SPTLC3: variants seen among roughly 807,000 people sequenced by gnomAD.
SPTLC3 encodes the protein serine palmitoyltransferase 3.
Under a neutral mutation model 59.3 loss-of-function variants are expected in SPTLC3, and 36 were observed. The ratio of observed to expected loss-of-function variants is 0.61; its 90% CI spans 0.47 to 0.80. The LOEUF is 0.80. Ranked by LOEUF, SPTLC3 falls within the 30% of genes least tolerant of loss-of-function variation. The probability of loss-of-function intolerance (pLI) is 0.00; values close to 1 mark genes in which losing one functional copy is unlikely to be tolerated. For synonymous variants in SPTLC3, 257 were observed against 240.8 expected, an observed-to-expected ratio of 1.07 and a Z score of -0.62; for missense variants, 625 against 685.1, an observed-to-expected ratio of 0.91 and a Z score of 0.98.
chr20:13,128,222 T>C (rs921295307), intron 9 of SPTLC3, among the ~76,000 whole-genome samples: 4 of 152,252 alleles, frequency 2.6e-5, no homozygotes, highest in African/African-American at 7.2e-5. Context: ...GACAAGTATT[T>C]GAAGCATTTC....
chr20:13,153,179 C>CA (rs1600395395), intron 9 of SPTLC3, among the ~76,000 whole-genome samples: 1 of 152,196 alleles, frequency 6.6e-6, no homozygotes, highest in African/African-American at 2.4e-5. Flanking sequence ...CTTACTTACC[C>CA]ACCTGTTTTG....
chr20:13,117,647 C>T lies in SPTLC3; in HGVS notation c.1074C>T (p.Asp358=), dbSNP rs376119290. 2 of 1,614,042 alleles carry T rather than the reference C, an allele frequency of 1.2e-6. No individual in the cohort carries two copies. The highest frequency in any genetic ancestry group is 2.7e-5 in the African/African-American group (2 of 75,016). The change falls in exon 8 of 12, where the codon GAC becomes GAT. Residue 358 remains aspartate, a synonymous_variant. Transcript: ENST00000399002. ...GTGTCACGGAGTTCTTTGGACTAGA[C>T]CCTCATGAAGTTGATGTGCTCATGG... ...GRGVTEFFGL[D]PHEVDVLMGT...
At chr20:13,081,689 G>A (rs73898418) in intron 4 of SPTLC3, among the ~76,000 whole-genome samples, 2,756 of 152,112 alleles carry the variant, frequency 0.018, 93 homozygotes, top group African/African-American at 0.064. Flanking sequence ...TTCAAGCAGT[G>A]GATTTGATTA....
chr20:13,116,737 G>A (rs958922379), intron 7 of SPTLC3, among the ~76,000 whole-genome samples: 1 of 152,200 alleles, frequency 6.6e-6, no homozygotes, highest in Admixed American at 6.5e-5. Context: ...TACAGCAGTG[G>A]CCCTCTATAT....
chr20:13,074,121 C>T, intron 3 of SPTLC3: 1 of 699,836 alleles, frequency 1.4e-6, no homozygotes, highest in South Asian at 1.5e-5. Context: ...GACTAAAGTG[C>T]CCGGCACTGG....
intron 6 of SPTLC3, among the ~76,000 whole-genome samples, chr20:13,102,596 C>T (rs1989642429): frequency 6.6e-6 from 1 of 152,170 alleles, no homozygotes; most frequent in Non-Finnish European, 1.5e-5. Flanking sequence ...TAGCCTCCAT[C>T]TCCCGTACAC....
intron 6 of SPTLC3, among the ~76,000 whole-genome samples, chr20:13,103,846 A>G (rs994556642): frequency 2.6e-5 from 4 of 152,206 alleles, no homozygotes; most frequent in South Asian, 2.1e-4. Flanking sequence ...TGACAGTGAA[A>G]TAAGAGGAAA....
intron 6 of SPTLC3, among the ~76,000 whole-genome samples, chr20:13,094,394 C>A (rs1358726107): frequency 2.6e-5 from 2 of 77,380 alleles, no homozygotes; most frequent in African/African-American, 6.4e-5. Flanking sequence ...TACATGCATG[C>A]ACACACATGC....
chr20:13,110,323 G>A (rs1990157850), intron 7 of SPTLC3, 106 bp downstream of exon 7: 2 of 939,722 alleles, frequency 2.1e-6, no homozygotes, highest in Non-Finnish European at 3.2e-6. Flanking sequence ...ACTTAGAATT[G>A]GTTATATGAC....
Position 13,072,384 on chromosome 20 carries a change from A to C in SPTLC3, c.432A>C (p.Val144=). ...PGPLFDLMER[V]SDDYNWTFRF... ...CTCTGTTTGATTTGATGGAGAGGGT[A>C]TCAGACGACTATAACTGGACGTTTA... Residue 144 remains valine, a synonymous_variant, in exon 3 of 12, where the codon GTA becomes GTC. Transcript: ENST00000399002. The C allele has an allele frequency of 6.2e-7, 1 of 1,609,264 alleles. No individual in the cohort carries two copies. Among genetic ancestry groups the C allele is most frequent in the Non-Finnish European group, 8.5e-7 (1 of 1,178,278 alleles).
intron 1 of SPTLC3, among the ~76,000 whole-genome samples, chr20:13,028,441 C>T (rs537594890): frequency 2.0e-5 from 3 of 152,024 alleles, no homozygotes; most frequent in Non-Finnish European, 4.4e-5. Flanking sequence ...GATCTAATAA[C>T]CCCTTATCCA....
At chr20:13,100,047 C>T (rs1233789654) in intron 6 of SPTLC3, among the ~76,000 whole-genome samples, 1 of 152,204 alleles carries the variant, frequency 6.6e-6, no homozygotes, top group Non-Finnish European at 1.5e-5. Context: ...TAACAATACT[C>T]TTCTGCCTGT....
intron 9 of SPTLC3, among the ~76,000 whole-genome samples, chr20:13,136,380 C>T (rs771328114): frequency 2.2e-4 from 33 of 151,928 alleles, no homozygotes; most frequent in Non-Finnish European, 4.1e-4. Flanking sequence ...GTGGATCACC[C>T]GAGCTCAGAA....
chr20:13,093,679 C>A, intron 6 of SPTLC3, 102 bp downstream of exon 6: 2 of 989,324 alleles, frequency 2.0e-6, no homozygotes, highest in East Asian at 2.6e-5. Context: ...GACAACGTAG[C>A]CTCATGAAAC....
At chr20:13,042,669 A>C (rs1987041413) in intron 1 of SPTLC3, among the ~76,000 whole-genome samples, 3 of 152,306 alleles carry the variant, frequency 2.0e-5, no homozygotes, top group Admixed American at 2.0e-4. Context: ...CCTTGCCTGA[A>C]GCAGGGGACA....
In SPTLC3 at chr20:13,085,504, C is replaced by T. The variant is rs192883586; in HGVS notation, c.608-5579C>T. Among the ~76,000 whole-genome samples, 26 of 152,192 alleles carry T rather than the reference C, an allele frequency of 1.7e-4. No individual in the cohort carries two copies. In the East Asian group the frequency reaches 3.7e-3, roughly 22 times the overall value. ...CAGCTGGCAGTTCCCCATAATAAAC[C>T]GCCTGCTCTTAGGCCAGGTCTAAGG... On this transcript the variant is annotated intron_variant, in intron 4 of 11. Transcript: ENST00000399002.
In SPTLC3 at chr20:13,164,804, C is replaced by T. The variant is rs1165119177; in HGVS notation, c.1596C>T (p.Ser532=). The change falls in exon 12 of 12, where the codon TCC becomes TCT. Residue 532 remains serine (S), a synonymous_variant. Coordinates refer to ENST00000399002, the MANE Select transcript of SPTLC3 (RefSeq NM_018327.4). ...EMGDLLQLKY[S]RHKKSARPEL... ...GTGATCTCTTGCAACTGAAATATTC[C>T]CGGCACAAGAAGTCAGCACGTCCTG... The T allele has an allele frequency of 6.2e-7, 1 of 1,613,770 alleles. No homozygotes were observed. The highest frequency in any genetic ancestry group is 1.7e-5 in the Admixed American group (1 of 60,016).
chr20:13,164,772 G>A lies in SPTLC3; in HGVS notation c.1564G>A (p.Glu522Lys). The change falls in exon 12 of 12, where the codon GAA (glutamate) becomes AAA (lysine). Residue 522 changes from glutamate (E) to lysine (K), a missense_variant. By Grantham distance (56) the Glu-to-Lys change is moderately conservative. Transcript: ENST00000399002. ...ATTGCAGGTTTTAGAAGCTCTTGAT[G>A]AAATGGGTGATCTCTTGCAACTGAA... is the stretch of plus-strand genomic sequence containing the variant. The part of the protein sequence containing the change: ...MLDTVLEALD[E>K]MGDLLQLKYS... The A allele has an allele frequency of 1.9e-6, 3 of 1,613,634 alleles. No homozygotes were observed. Among genetic ancestry groups the A allele is most frequent in the Non-Finnish European group, 2.5e-6 (3 of 1,179,776 alleles).
intron 6 of SPTLC3, among the ~76,000 whole-genome samples, chr20:13,099,960 T>C (rs1200407065): frequency 2.0e-5 from 3 of 152,146 alleles, no homozygotes; most frequent in African/African-American, 7.2e-5. Flanking sequence ...AACAATGGGA[T>C]TGTGGAATTT....
Sources: allele counts gnomAD v4.1 joint callset (sites outside exome capture counted in the v4.1 genomes callset), GRCh38; gene constraint gnomAD v4.1.1; transcripts MANE v1.5; gene names NCBI Gene and HGNC (gene_info 2026-07-23, HGNC 2026-07-21).